The following C17orf107 variants were observed in gnomAD, a reference collection of about 807,000 sequenced individuals.
C17orf107 encodes uncharacterized protein C17orf107.
A neutral mutation model predicts 8.9 loss-of-function variants in C17orf107; 9 were observed. That is an observed-to-expected ratio of 1.02 (90% CI 0.61 to 1.77). C17orf107 has a LOEUF of 1.77. Among genes scored for constraint, C17orf107 ranks in the 40% most tolerant of loss-of-function variants. The pLI, the probability that C17orf107 is intolerant of heterozygous loss-of-function variation, is 0.00. For synonymous variants in C17orf107, 139 were observed against 120.3 expected (o/e 1.16, Z -1.02); for missense variants, 281 against 249.0 (o/e 1.13, Z -0.86).
chr17:4,900,845 GGAACAAGAA>G lies in C17orf107; in HGVS notation c.*315_*323del. ...GTCTCTGGGATTTTCTGGGCAATGA[GGAACAAGAA>G]GACGGTCTGGGCGAGCAGGACGTTG... On this transcript the variant is annotated 3_prime_UTR_variant, in exon 3 of 3. Transcript: ENST00000381365. The G allele has an allele frequency of 6.2e-7, 1 of 1,614,204 alleles. No individual in the cohort carries two copies. Among genetic ancestry groups the G allele is most frequent in the Non-Finnish European group, 8.5e-7 (1 of 1,180,018 alleles).
chr17:4,905,810 G>A (rs867184818), downstream of C17orf107, among the ~76,000 whole-genome samples: 6 of 152,112 alleles, frequency 3.9e-5, no homozygotes, highest in South Asian at 2.1e-4. Context: ...GCAGTGAGCC[G>A]AGATCGTGCC....
chr17:4,902,375 C>G lies in C17orf107; in HGVS notation c.*1842C>G. 1 of 1,613,340 alleles carries G rather than the reference C, an allele frequency of 6.2e-7. No individual in the cohort carries two copies. The highest frequency in any genetic ancestry group is 8.5e-7 in the Non-Finnish European group (1 of 1,179,250). Reference sequence around the variant, plus strand: ...CGCGTGCCCTGCATCTCCCACCTGGCGCTGCCTGGGAGGGGTTTGGGGGAA... The same window carrying G: ...CGCGTGCCCTGCATCTCCCACCTGGGGCTGCCTGGGAGGGGTTTGGGGGAA... On this transcript the variant is annotated 3_prime_UTR_variant, in exon 3 of 3. Transcript: ENST00000381365. The surrounding 1 kb of genome is among the most constrained non-coding windows in gnomAD (Gnocchi z 4.0).
At position 4,901,884 on chromosome 17, in the gene C17orf107, G is replaced by GGCCC; in HGVS notation, c.*1351_*1352insGCCC. ...TTCCCGGTTGGCCCCGCCCCATAAGGCCCCCCCCCAACAATAATCGTCCGG... is the reference window on the plus strand; with the variant it reads ...TTCCCGGTTGGCCCCGCCCCATAAGGGCCCCCCCCCCCCAACAATAATCGTCCGG... On this transcript the variant is annotated 3_prime_UTR_variant, in exon 3 of 3. Coordinates refer to ENST00000381365, the MANE Select transcript of C17orf107 (RefSeq NM_001145536.2). 13 of 1,526,218 alleles carry GGCCC rather than the reference G, an allele frequency of 8.5e-6. No homozygotes were observed. Among genetic ancestry groups the GGCCC allele is most frequent in the African/African-American group, 1.4e-5 (1 of 70,032 alleles). The allele number at this position is 1,526,218 out of a possible 1,614,324, so 94.5% of individuals were successfully genotyped here.
chr17:4,902,852 C>T lies in C17orf107; in HGVS notation c.*2319C>T, dbSNP rs1970035296. ...CTGCCTCCCCTGGGTCCTCACAGGC[C>T]TCTGAGGCTGTGTACTATCAGTATC... On this transcript the variant is annotated 3_prime_UTR_variant, in exon 3 of 3. Coordinates refer to ENST00000381365, the MANE Select transcript of C17orf107 (RefSeq NM_001145536.2). The surrounding 1 kb of genome is among the most constrained non-coding windows in gnomAD (Gnocchi z 4.0). The T allele has an allele frequency of 6.3e-7, 1 of 1,587,308 alleles. No individual in the cohort carries two copies. The highest frequency in any genetic ancestry group is 8.6e-7 in the Non-Finnish European group (1 of 1,156,584).
In C17orf107 at chr17:4,901,721, T is replaced by C. The variant is rs1453836437; in HGVS notation, c.*1188T>C. 7.4e-7 allele frequency: 1 copy of C among 1,345,062 alleles called. No individual in the cohort carries two copies. Among genetic ancestry groups the C allele is most frequent in the Non-Finnish European group, 1.1e-6 (1 of 951,166 alleles). 83.3% of individuals were successfully genotyped at this position (1,345,062 alleles called of 1,614,324 possible). On this transcript the variant is annotated 3_prime_UTR_variant, in exon 3 of 3. Transcript: ENST00000381365. Reference sequence around the variant, plus strand: ...AAGCTGGGATCTAGCGGGGCCGCGATCCCAAGCCCACCCCTTCACCCAAGC... The same window carrying C: ...AAGCTGGGATCTAGCGGGGCCGCGACCCCAAGCCCACCCCTTCACCCAAGC...
Position 4,900,162 on chromosome 17 carries a change from C to CT in C17orf107, c.276+19dup. ...TTGTTAGAGGTGGGGTACTGGGGGGCTTAGGATACGCGGCGATCGGGTAGC... is the reference window on the plus strand; with the variant it reads ...TTGTTAGAGGTGGGGTACTGGGGGGCTTTAGGATACGCGGCGATCGGGTAGC... On this transcript the variant is annotated intron_variant, in intron 2 of 2. Coordinates refer to ENST00000381365, the MANE Select transcript of C17orf107 (RefSeq NM_001145536.2). 6.5e-7 allele frequency: 1 copy of CT among 1,547,250 alleles called. No individual in the cohort carries two copies. Among genetic ancestry groups the CT allele is most frequent in the Middle Eastern group, 1.7e-4 (1 of 5,978 alleles).
In C17orf107 at chr17:4,902,744, GTTC is replaced by G. The variant is rs1292172283; in HGVS notation, c.*2215_*2217del. ...GATGGTGATAAAGACGCAGTTCCTC[GTTC>G]TTCCCCACACCCCTGCCTGCGATGG... On this transcript the variant is annotated 3_prime_UTR_variant, in exon 3 of 3. Transcript: ENST00000381365. This position sits in a 1 kb window ranked among gnomAD's most constrained non-coding sequence, Gnocchi z 4.0. 1 of 1,613,856 alleles carries G rather than the reference GTTC, an allele frequency of 6.2e-7. No homozygotes were observed. The highest frequency in any genetic ancestry group is 1.7e-5 in the Admixed American group (1 of 59,988).
In C17orf107 at chr17:4,900,079, C is replaced by T; in HGVS notation, c.210C>T (p.Pro70=). Residue 70 remains proline, a synonymous_variant, in exon 2 of 3, where the codon CCC becomes CCT. Coordinates refer to ENST00000381365, the MANE Select transcript of C17orf107 (RefSeq NM_001145536.2). ...AGGGGATGCTGCCTGCCCCGAAGCC[C>T]ACCCTGGGGCTGGTGTTGAGAGAAG... ...KMQGMLPAPK[P]TLGLVLREAT... is the part of the protein sequence containing the mutation. The T allele has an allele frequency of 6.4e-7, 1 of 1,551,050 alleles. No individual in the cohort carries two copies. The highest frequency in any genetic ancestry group is 8.7e-7 in the Non-Finnish European group (1 of 1,146,992).
At chr17:4,905,983 G>A (rs145994241), downstream of C17orf107, among the ~76,000 whole-genome samples, 872 of 152,286 alleles carry the variant, frequency 5.7e-3, 9 homozygotes, top group African/African-American at 0.02. Flanking sequence ...TGTCTCTGCC[G>A]CTCTGTCCGC....
At position 4,902,467 on chromosome 17, in the gene C17orf107, T is replaced by A; in HGVS notation, c.*1934T>A. 6.2e-7 allele frequency: 1 copy of A among 1,614,168 alleles called. No homozygotes were observed. ...TGACTCACGATTCCAATCCAGACGC[T>A]AGTGGTGAGAGTCTCCTCTTTTTCA... On this transcript the variant is annotated 3_prime_UTR_variant, in exon 3 of 3. Transcript: ENST00000381365. The surrounding 1 kb of genome is among the most constrained non-coding windows in gnomAD (Gnocchi z 4.0).
At chr17:4,904,011 C>A (rs1970055986), downstream of C17orf107, among the ~76,000 whole-genome samples, 1 of 152,148 alleles carries the variant, frequency 6.6e-6, no homozygotes, top group African/African-American at 2.4e-5. Flanking sequence ...GCGCATGCCA[C>A]CATGCCCGGC....
intron 2 of C17orf107, 26 bp from the exon 3 acceptor site, chr17:4,900,211 C>T (rs920762170): frequency 8.1e-5 from 125 of 1,544,318 alleles, no homozygotes; most frequent in Non-Finnish European, 1.0e-4. Context: ...TCTGCCTCCC[C>T]GCTAACCCCT....
chr17:4,901,230 G>C lies in C17orf107; in HGVS notation c.*697G>C, dbSNP rs1476909666. On this transcript the variant is annotated 3_prime_UTR_variant, in exon 3 of 3. Coordinates refer to ENST00000381365, the MANE Select transcript of C17orf107 (RefSeq NM_001145536.2). ...CACGGTCAGCTGGCTGTCAGAGCGG[G>C]GCGCCCGCCGAGCTGACAGCGGGCT... 1.9e-6 allele frequency: 3 copies of C among 1,586,868 alleles called. No individual in the cohort carries two copies. The highest frequency in any genetic ancestry group is 2.6e-6 in the Non-Finnish European group (3 of 1,171,106).
rs978630786 is a variant in C17orf107 at position 4,901,765 on chromosome 17, T to TTC, written c.*1233_*1234dup. 166 of 1,217,090 alleles carry TTC rather than the reference T, an allele frequency of 1.4e-4. No homozygotes were observed. Among genetic ancestry groups the TTC allele is most frequent in the Non-Finnish European group, 1.9e-4 (159 of 840,910 alleles). The allele number at this position is 1,217,090 out of a possible 1,614,324, so 75.4% of individuals were successfully genotyped here. The stretch of plus-strand genomic sequence containing the variant: ...CCCAAGCCCAGCCCGCACGCCTCTG[T>TTC]TCCCATCTGTACCTCCGGCCGCGCT... On this transcript the variant is annotated 3_prime_UTR_variant, in exon 3 of 3. Transcript: ENST00000381365.
In C17orf107 at chr17:4,900,676, G is replaced by A. The variant is rs549915994; in HGVS notation, c.*143G>A. On this transcript the variant is annotated 3_prime_UTR_variant, in exon 3 of 3. Transcript: ENST00000381365. ...CATCCCCGTACCAGCCCCACCCAGCGTCCGAATAAAGCCCAGGGCGGGGCG... is the reference window on the plus strand; with the variant it reads ...CATCCCCGTACCAGCCCCACCCAGCATCCGAATAAAGCCCAGGGCGGGGCG... 3.4e-6 allele frequency: 5 copies of A among 1,450,228 alleles called. No homozygotes were observed. The highest frequency in any genetic ancestry group is 4.7e-6 in the Non-Finnish European group (5 of 1,063,332). The allele number at this position is 1,450,228 out of a possible 1,614,324, so 89.8% of individuals were successfully genotyped here.
At chr17:4,903,103 G>A (rs1189845405), downstream of C17orf107, 1 of 1,610,610 alleles carries the variant, frequency 6.2e-7, no homozygotes, top group Admixed American at 1.7e-5. Context: ...AGCTCTGGCA[G>A]GCTTGGAGGG....
In C17orf107 at chr17:4,901,703, G is replaced by T; in HGVS notation, c.*1170G>T. 6.9e-7 allele frequency: 1 copy of T among 1,442,644 alleles called. No homozygotes were observed. Among genetic ancestry groups the T allele is most frequent in the Non-Finnish European group, 9.7e-7 (1 of 1,033,446 alleles). The allele number at this position is 1,442,644 out of a possible 1,614,324, so 89.4% of individuals were successfully genotyped here. A position where few individuals can be genotyped will look rare whatever the true frequency, so the allele number is the denominator to read the frequency against. On this transcript the variant is annotated 3_prime_UTR_variant, in exon 3 of 3. Coordinates refer to ENST00000381365, the MANE Select transcript of C17orf107 (RefSeq NM_001145536.2). ...CCTCAGGCCCAGCCCTGGAAGCTGG[G>T]ATCTAGCGGGGCCGCGATCCCAAGC...
In C17orf107 at chr17:4,901,774, G is replaced by A. The variant is rs1969994430; in HGVS notation, c.*1241G>A. 7.9e-7 allele frequency: 1 copy of A among 1,266,684 alleles called. No individual in the cohort carries two copies. The highest frequency in any genetic ancestry group is 1.1e-6 in the Non-Finnish European group (1 of 885,300). 78.5% of individuals were successfully genotyped at this position (1,266,684 alleles called of 1,614,324 possible). On this transcript the variant is annotated 3_prime_UTR_variant, in exon 3 of 3. Transcript: ENST00000381365. The stretch of plus-strand genomic sequence containing the variant: ...AGCCCGCACGCCTCTGTTCCCATCT[G>A]TACCTCCGGCCGCGCTGGAGCGTCC...
rs1428699807 is a variant in C17orf107, at chr17:4,901,874, G to A, written c.*1341G>A. 14 of 765,636 alleles carry A rather than the reference G, an allele frequency of 1.8e-5. No individual in the cohort carries two copies. Among genetic ancestry groups the A allele is most frequent in the East Asian group, 1.0e-4 (3 of 29,130 alleles). 47.4% of individuals were successfully genotyped at this position (765,636 alleles called of 1,614,324 possible). A position where few individuals can be genotyped will look rare whatever the true frequency, so the allele number is the denominator to read the frequency against. ...AGGGCGGTGCTTCCCGGTTGGCCCC[G>A]CCCCATAAGGCCCCCCCCCAACAAT... On this transcript the variant is annotated 3_prime_UTR_variant, in exon 3 of 3. Transcript: ENST00000381365.
Sources: allele counts gnomAD v4.1 joint callset (sites outside exome capture counted in the v4.1 genomes callset), GRCh38; gene constraint gnomAD v4.1.1; non-coding constraint Gnocchi (gnomAD v3.1); transcripts MANE v1.5; gene names NCBI Gene and HGNC (gene_info 2026-07-23, HGNC 2026-07-21).